TMEM108: variants seen among roughly 807,000 people sequenced by gnomAD.
TMEM108 encodes cancer/testis antigen 124.
Under a neutral mutation model 35.1 loss-of-function variants are expected in TMEM108, and 12 were observed. The ratio of observed to expected loss-of-function variants is 0.34; its 90% CI spans 0.22 to 0.55. The LOEUF (loss-of-function observed/expected upper bound fraction) is 0.55. Among genes scored for constraint, TMEM108 ranks in the 20% least tolerant of loss-of-function variants. The pLI is 0.89. For synonymous variants in TMEM108, 287 were observed against 308.6 expected (o/e 0.93, Z 0.73); for missense variants, 680 against 753.3 (o/e 0.90, Z 1.14).
At chr3:133,233,943 C>T (rs1378817850) in intron 3 of TMEM108, among the ~76,000 whole-genome samples, 5 of 151,150 alleles carry the variant, frequency 3.3e-5, no homozygotes, top group African/African-American at 4.8e-5. Context: ...GATATTAGCC[C>T]TTTGTCAGAT....
intron 2 of TMEM108, among the ~76,000 whole-genome samples, chr3:133,157,542 C>T (rs760110666): frequency 6.6e-6 from 1 of 152,184 alleles, no homozygotes; most frequent in Non-Finnish European, 1.5e-5. Flanking sequence ...TTCTCACTCT[C>T]CTTGACACCC....
chr3:133,297,720 TAAG>T lies in TMEM108; in HGVS notation c.40+68374_40+68376del, dbSNP rs546853240. The stretch of plus-strand genomic sequence containing the variant: ...GGTTTCTTTCTAGTCTTAAGAACTG[TAAG>T]AAGAGAGCAAAAGGAGTGGTGGGGA... On this transcript the variant is annotated intron_variant, in intron 3 of 5. Coordinates refer to ENST00000321871, the MANE Select transcript of TMEM108 (RefSeq NM_023943.4). Among the ~76,000 whole-genome samples the T allele has an allele frequency of 3.0e-3, 453 of 152,278 alleles. 1 individual carries two copies. In the Middle Eastern group the frequency reaches 0.031, roughly 10 times the overall value.
At chr3:133,320,665 A>G (rs1373103767) in intron 3 of TMEM108, among the ~76,000 whole-genome samples, 1 of 152,212 alleles carries the variant, frequency 6.6e-6, no homozygotes, top group Non-Finnish European at 1.5e-5. Flanking sequence ...AAGAAGCTCG[A>G]AGGAAACCTG....
chr3:133,320,056 C>T (rs1231934043), intron 3 of TMEM108, among the ~76,000 whole-genome samples: 9 of 152,020 alleles, frequency 5.9e-5, no homozygotes, highest in African/African-American at 2.2e-4. Flanking sequence ...TCACTTGAGC[C>T]CAGGAGTTCA....
At chr3:133,044,451 G>A (rs1040495136) in intron 1 of TMEM108, among the ~76,000 whole-genome samples, 2 of 152,160 alleles carry the variant, frequency 1.3e-5, no homozygotes, top group African/African-American at 4.8e-5. Context: ...TTAGTGCCAG[G>A]ATAATAATTC....
In TMEM108 at chr3:133,321,719, G is replaced by T. The variant is rs532367282; in HGVS notation, c.41-58033G>T. On this transcript the variant is annotated intron_variant, in intron 3 of 5. Transcript: ENST00000321871. ...CAGAACATTCTACCCAATAACTGCAGAATATACATTCTTTTCATCATCACA... is the reference window on the plus strand; with the variant it reads ...CAGAACATTCTACCCAATAACTGCATAATATACATTCTTTTCATCATCACA... Among the ~76,000 whole-genome samples the T allele has an allele frequency of 5.9e-5, 9 of 152,246 alleles. No homozygotes were observed. In the East Asian group the frequency reaches 1.7e-3, roughly 29 times the overall value.
chr3:133,262,165 T>C (rs79276530), intron 3 of TMEM108, among the ~76,000 whole-genome samples: 2,172 of 152,346 alleles, frequency 0.014, 61 homozygotes, highest in African/African-American at 0.05. Context: ...ATTACCTTTA[T>C]GTGTTGAAAT....
At chr3:133,369,710 G>A (rs909698622) in intron 3 of TMEM108, among the ~76,000 whole-genome samples, 1 of 152,166 alleles carries the variant, frequency 6.6e-6, no homozygotes, top group Non-Finnish European at 1.5e-5. Context: ...AATTTGATTA[G>A]AATCTATCAA....
chr3:133,048,164 T>A (rs1306742179), intron 2 of TMEM108, among the ~76,000 whole-genome samples: 1 of 152,162 alleles, frequency 6.6e-6, no homozygotes, highest in African/African-American at 2.4e-5. Context: ...GAAATTGCAT[T>A]TGACAAGGTG....
At chr3:133,242,416 T>C (rs1298692382) in intron 3 of TMEM108, among the ~76,000 whole-genome samples, 1 of 152,186 alleles carries the variant, frequency 6.6e-6, no homozygotes, top group Non-Finnish European at 1.5e-5. Context: ...TATACAGTTT[T>C]TTGGAGAAGT....
chr3:133,073,510 C>CTCTATATA lies in TMEM108; in HGVS notation c.-47+27491_-47+27492insCTATATAT. Among the ~76,000 whole-genome samples, 69 of 43,896 alleles carry CTCTATATA rather than the reference C, an allele frequency of 1.6e-3. 2 individuals carry two copies. The highest frequency in any genetic ancestry group is 4.3e-3 in the African/African-American group (36 of 8,424). 28.8% of individuals were successfully genotyped at this position (43,896 alleles called of 152,430 possible). On this transcript the variant is annotated intron_variant, in intron 2 of 5. Coordinates refer to ENST00000321871, the MANE Select transcript of TMEM108 (RefSeq NM_023943.4). ...TCTCTCTCTCTCTCTCTCTCTCTCTCTATATATATATATATATATATATAT... is the reference window on the plus strand; with the variant it reads ...TCTCTCTCTCTCTCTCTCTCTCTCTCTCTATATATATATATATATATATATATATATAT...
At chr3:133,249,524 A>G (rs942810158) in intron 3 of TMEM108, among the ~76,000 whole-genome samples, 1 of 152,066 alleles carries the variant, frequency 6.6e-6, no homozygotes, top group Admixed American at 6.6e-5. Context: ...TGAGTACCCA[A>G]TGCTTAGCTC....
chr3:133,160,775 A>T (rs1252243612), intron 2 of TMEM108, among the ~76,000 whole-genome samples: 1 of 152,030 alleles, frequency 6.6e-6, no homozygotes, highest in Non-Finnish European at 1.5e-5. Context: ...TCCACTTCTT[A>T]TGTATCTGGT....
chr3:133,259,455 C>T (rs116660979), intron 3 of TMEM108, among the ~76,000 whole-genome samples: 1,918 of 152,276 alleles, frequency 0.013, 16 homozygotes, highest in South Asian at 0.024. Flanking sequence ...CCACTGCTTT[C>T]GCATATTTAC....
At chr3:133,044,076 T>C (rs1263478665) in intron 1 of TMEM108, among the ~76,000 whole-genome samples, 1 of 152,238 alleles carries the variant, frequency 6.6e-6, no homozygotes, top group African/African-American at 2.4e-5. Flanking sequence ...CCTGCTGGCA[T>C]CTTTTTGGCT....
intron 2 of TMEM108, among the ~76,000 whole-genome samples, chr3:133,187,883 CA>C (rs34894272): frequency 0.014 from 1,838 of 127,322 alleles, 46 homozygotes; most frequent in African/African-American, 0.047. Flanking sequence ...ACGGTTGCTG[CA>C]AAAAAAAAAA....
At chr3:133,074,054 A>G (rs1943711267) in intron 2 of TMEM108, among the ~76,000 whole-genome samples, 2 of 152,206 alleles carry the variant, frequency 1.3e-5, no homozygotes, top group African/African-American at 4.8e-5. Context: ...CCCAAGTAAT[A>G]TAATTAAAAA....
intron 2 of TMEM108, among the ~76,000 whole-genome samples, chr3:133,161,195 C>T (rs996096492): frequency 1.6e-4 from 25 of 152,312 alleles, no homozygotes; most frequent in African/African-American, 5.8e-4. Flanking sequence ...TCTGTTTTAA[C>T]ACTTCAAGTA....
intron 2 of TMEM108, among the ~76,000 whole-genome samples, chr3:133,218,891 T>C (rs1046312677): frequency 3.3e-5 from 5 of 152,034 alleles, no homozygotes; most frequent in Admixed American, 3.3e-4. Context: ...AAGGCTAGCC[T>C]TCTAAAAATG....
Sources: allele counts gnomAD v4.1 joint callset (sites outside exome capture counted in the v4.1 genomes callset), GRCh38; gene constraint gnomAD v4.1.1; transcripts MANE v1.5; gene names NCBI Gene and HGNC (gene_info 2026-07-23, HGNC 2026-07-21).